The following NDFIP2 variants were observed in gnomAD, a reference collection of about 807,000 sequenced individuals.
NDFIP2 encodes NEDD4 family-interacting protein 2.
NDFIP2 carries 19 observed loss-of-function variants against 36.0 expected under a neutral mutation model. That is an observed-to-expected ratio of 0.53 (90% confidence interval 0.37 to 0.77). The LOEUF is 0.77. NDFIP2 is among the 30% of genes least tolerant of loss of function. The probability of loss-of-function intolerance (pLI) is 0.00; values close to 1 mark genes in which losing one functional copy is unlikely to be tolerated. For missense variants in NDFIP2, 446 were observed against 435.8 expected (o/e 1.02, Z -0.21); for synonymous variants, 181 against 167.7 (o/e 1.08, Z -0.61).
At chr13:79,549,323 T>C (rs1475657427) in intron 6 of NDFIP2, among the ~76,000 whole-genome samples, 1 of 151,974 alleles carries the variant, frequency 6.6e-6, no homozygotes, top group African/African-American at 2.4e-5. Flanking sequence ...CTGAATGCCG[T>C]GTTCTTTATT....
At chr13:79,518,125 A>G (rs970965508) in intron 1 of NDFIP2, among the ~76,000 whole-genome samples, 1 of 152,224 alleles carries the variant, frequency 6.6e-6, no homozygotes, top group Admixed American at 6.5e-5. Context: ...CCTGGGTACC[A>G]TGTAGTAGGA....
intron 6 of NDFIP2, 58 bp downstream of exon 6, chr13:79,548,452 G>A (rs879729804): frequency 7.8e-7 from 1 of 1,274,172 alleles, no homozygotes. Flanking sequence ...ACTGTAAGAT[G>A]TAAATAAACT....
At chr13:79,522,697 G>T (rs945020642) in intron 2 of NDFIP2, among the ~76,000 whole-genome samples, 18 of 152,150 alleles carry the variant, frequency 1.2e-4, no homozygotes, top group Admixed American at 2.0e-4. Flanking sequence ...GGGGCTACTG[G>T]CCAAGACAGT....
chr13:79,501,466 C>G (rs1289166453), intron 1 of NDFIP2, among the ~76,000 whole-genome samples: 1 of 151,904 alleles, frequency 6.6e-6, no homozygotes, highest in Admixed American at 6.6e-5. Context: ...ATCTAAATCT[C>G]TAAGAAGTGA....
At chr13:79,512,882 C>A (rs1874133947) in intron 1 of NDFIP2, among the ~76,000 whole-genome samples, 1 of 152,140 alleles carries the variant, frequency 6.6e-6, no homozygotes, top group African/African-American at 2.4e-5. Context: ...GTGGTTGTAG[C>A]TTCTCTATTT....
rs17071539 is a variant in NDFIP2, at chr13:79,514,964, T to C, written c.322-5846T>C. Among the ~76,000 whole-genome samples, 1,271 of 152,314 alleles carry C rather than the reference T, an allele frequency of 8.3e-3. 20 individuals are homozygous for C. The highest frequency in any genetic ancestry group is 0.029 in the African/African-American group (1,206 of 41,568). ...GGTGCTCTTTGTGTAGACCATAAAA[T>C]ACAGTCATGTGTGGCTGAACAATGG... On this transcript the variant is annotated intron_variant, in intron 1 of 7. Transcript: ENST00000218652.
rs1875097602 is a variant in NDFIP2, at chr13:79,533,425, TG to T, written c.592del (p.Ala198GlnfsTer61). ...DEAEKAKAAA[M>X]AAAAAETSQR... ...GCTGAGAAGGCTAAAGCTGCTGCAATGGCAGCTGCAGCAGCAGAAACATCTC... is the reference window on the plus strand; with the variant it reads ...GCTGAGAAGGCTAAAGCTGCTGCAATGCAGCTGCAGCAGCAGAAACATCTC... On this transcript the variant is annotated frameshift_variant, in exon 3 of 8. Coordinates refer to ENST00000218652, the MANE Select transcript of NDFIP2 (RefSeq NM_019080.3). LOFTEE classifies it high-confidence loss of function. 1 of 1,609,444 alleles carries T rather than the reference TG, an allele frequency of 6.2e-7. No individual in the cohort carries two copies. The highest frequency in any genetic ancestry group is 1.7e-5 in the Admixed American group (1 of 59,230).
intron 1 of NDFIP2, among the ~76,000 whole-genome samples, chr13:79,491,886 C>A (rs1000854896): frequency 4.6e-5 from 7 of 152,164 alleles, no homozygotes; most frequent in Non-Finnish European, 1.0e-4. Context: ...GGGTAAAATT[C>A]TTGTTAAAGA....
chr13:79,484,338 ATGTACCTGTACCAAGCTGACTTCTAAGAT>A (rs1352077084), intron 1 of NDFIP2, among the ~76,000 whole-genome samples: 22 of 152,258 alleles, frequency 1.4e-4, no homozygotes, highest in East Asian at 1.4e-3. Flanking sequence ...TTAAAGGATT[ATGTACCTGTACCAAGCTGACTTCTAAGAT>A]TGTACCTGTA....
intron 1 of NDFIP2, among the ~76,000 whole-genome samples, chr13:79,489,367 G>A (rs571251030): frequency 6.6e-6 from 1 of 152,192 alleles, no homozygotes; most frequent in Non-Finnish European, 1.5e-5. Context: ...AGAAGGAAGA[G>A]GAAGCTGCCA....
At chr13:79,514,127 T>C (rs1164411151) in intron 1 of NDFIP2, among the ~76,000 whole-genome samples, 3 of 152,224 alleles carry the variant, frequency 2.0e-5, no homozygotes, top group Non-Finnish European at 4.4e-5. Context: ...GAAGTTAATG[T>C]TCTCCAGCCC....
intron 1 of NDFIP2, among the ~76,000 whole-genome samples, chr13:79,497,660 G>GT (rs1282594237): frequency 0.097 from 12,298 of 126,656 alleles, 716 homozygotes; most frequent in African/African-American, 0.15. Flanking sequence ...AGATTTCTGA[G>GT]TTTTTTTTTT....
chr13:79,552,089 A>G (rs911235911), intron 7 of NDFIP2, among the ~76,000 whole-genome samples: 1 of 151,402 alleles, frequency 6.6e-6, no homozygotes, highest in Non-Finnish European at 1.5e-5. Flanking sequence ...CTAGAGTACT[A>G]TGAATACATT....
At chr13:79,496,435 C>CTA (rs1008808459) in intron 1 of NDFIP2, among the ~76,000 whole-genome samples, 1 of 151,700 alleles carries the variant, frequency 6.6e-6, no homozygotes, top group Non-Finnish European at 1.5e-5. Flanking sequence ...CACAGTTTCT[C>CTA]TATATATATT....
At chr13:79,488,991 A>C (rs1594838846) in intron 1 of NDFIP2, among the ~76,000 whole-genome samples, 1 of 152,224 alleles carries the variant, frequency 6.6e-6, no homozygotes, top group South Asian at 2.1e-4. Flanking sequence ...CTCAATTTGC[A>C]GGTGAGAAAC....
intron 3 of NDFIP2, among the ~76,000 whole-genome samples, chr13:79,536,159 GA>G (rs989700192): frequency 2.6e-5 from 4 of 152,328 alleles, no homozygotes; most frequent in Admixed American, 2.0e-4. Flanking sequence ...ATATTTCTAT[GA>G]AAAATGCTAA....
intron 2 of NDFIP2, among the ~76,000 whole-genome samples, chr13:79,526,498 A>G (rs994882607): frequency 4.6e-5 from 7 of 152,198 alleles, no homozygotes; most frequent in Admixed American, 1.3e-4. Flanking sequence ...ATGCTGAGGA[A>G]CTACAACATT....
At chr13:79,539,617 T>C (rs1232873138) in intron 3 of NDFIP2, 65 bp from the exon 4 acceptor site, 10 of 1,298,482 alleles carry the variant, frequency 7.7e-6, no homozygotes, top group South Asian at 1.2e-5. Flanking sequence ...GAAGTTCTTA[T>C]GCTTACATTT....
intron 4 of NDFIP2, among the ~76,000 whole-genome samples, chr13:79,542,540 T>C (rs978811008): frequency 6.6e-6 from 1 of 151,766 alleles, no homozygotes; most frequent in Non-Finnish European, 1.5e-5. Flanking sequence ...TCTAATAGTT[T>C]GGTGATGGTA....
Sources: allele counts gnomAD v4.1 joint callset (sites outside exome capture counted in the v4.1 genomes callset), GRCh38; gene constraint gnomAD v4.1.1; transcripts MANE v1.5; gene names NCBI Gene and HGNC (gene_info 2026-07-23, HGNC 2026-07-21).